Variants in VAV3 observed in about 807,000 individuals in gnomAD.
VAV3 encodes guanine nucleotide exchange factor VAV3.
A neutral mutation model predicts 131.2 loss-of-function variants in VAV3; 94 were observed. That is an observed-to-expected ratio of 0.72 (90% CI 0.61 to 0.85). The LOEUF (loss-of-function observed/expected upper bound fraction) is 0.85, where lower values mean the gene tolerates loss of function less well. VAV3 is among the 40% of genes least tolerant of loss of function. The probability of loss-of-function intolerance (pLI) is 0.00; values close to 1 mark genes in which losing one functional copy is unlikely to be tolerated. For missense variants in VAV3, 939 were observed against 1,002.7 expected (o/e 0.94, Z 0.86); for synonymous variants, 349 against 342.0 (o/e 1.02, Z -0.22).
chr1:107,944,002 A>G (rs1022260181), intron 1 of VAV3, among the ~76,000 whole-genome samples: 8 of 152,218 alleles, frequency 5.3e-5, no homozygotes, highest in African/African-American at 1.9e-4. Flanking sequence ...AACACCCATC[A>G]CAAACAGCTG....
intron 7 of VAV3, among the ~76,000 whole-genome samples, chr1:107,767,999 G>T (rs1272261910): frequency 2.0e-5 from 3 of 152,218 alleles, no homozygotes; most frequent in Non-Finnish European, 2.9e-5. Context: ...ACTGGAAGTA[G>T]AAAGCACCAA....
intron 25 of VAV3, among the ~76,000 whole-genome samples, chr1:107,586,532 G>C (rs1238560277): frequency 6.6e-6 from 1 of 152,106 alleles, no homozygotes; most frequent in African/African-American, 2.4e-5. Context: ...TTTGAATAAA[G>C]AAAAATCTGA....
At chr1:107,903,504 C>T (rs2101095315) in intron 1 of VAV3, among the ~76,000 whole-genome samples, 1 of 152,184 alleles carries the variant, frequency 6.6e-6, no homozygotes, top group East Asian at 1.9e-4. Context: ...TCATAAGCTG[C>T]AAGATGCCAG....
At chr1:107,891,130 T>C (rs1671290306) in intron 1 of VAV3, among the ~76,000 whole-genome samples, 1 of 145,490 alleles carries the variant, frequency 6.9e-6, no homozygotes, top group East Asian at 2.0e-4. Flanking sequence ...ACCACAATTA[T>C]TGCTAGTGTC....
At chr1:107,668,844 T>C (rs1434917899) in intron 19 of VAV3, 1 of 985,608 alleles carries the variant, frequency 1.0e-6, no homozygotes, top group African/African-American at 1.7e-5. Flanking sequence ...ACATGTTAAA[T>C]GGAATTTCAC....
At chr1:107,897,383 T>C (rs972162411) in intron 1 of VAV3, 3 of 150,118 alleles carry the variant, frequency 2.0e-5, no homozygotes, top group African/African-American at 7.4e-5. Flanking sequence ...ATTGAAAAAG[T>C]AGAGGGAGAA....
rs143867729 is a variant in VAV3, at chr1:107,648,414, T to C, written c.1778-5659A>G. Among the ~76,000 whole-genome samples the C allele has an allele frequency of 1.6e-3, 242 of 152,182 alleles. 1 individual carries two copies. The East Asian group carries it at 0.021, about 13-fold the overall frequency. Reference sequence around the variant, plus strand: ...TATAAAATAACTATAAAATTTCATGTGTTACTTGAAAATCCATGCAAATTT... The same window carrying C: ...TATAAAATAACTATAAAATTTCATGCGTTACTTGAAAATCCATGCAAATTT... On this transcript the variant is annotated intron_variant, in intron 19 of 26. Coordinates refer to ENST00000370056, the MANE Select transcript of VAV3 (RefSeq NM_006113.5).
chr1:107,789,453 C>T (rs1666180881), intron 2 of VAV3, among the ~76,000 whole-genome samples: 1 of 152,204 alleles, frequency 6.6e-6, no homozygotes, highest in Non-Finnish European at 1.5e-5. Flanking sequence ...AATCATGAAG[C>T]ATCTGTAAAC....
intron 1 of VAV3, among the ~76,000 whole-genome samples, chr1:107,945,800 C>T (rs9435456): frequency 0.95 from 135,169 of 142,132 alleles, 64,639 homozygotes; most frequent in East Asian, 1. Flanking sequence ...CCAGCTTGAG[C>T]GACAAGAGCA....
At chr1:107,917,746 T>A (rs1672690519) in intron 1 of VAV3, among the ~76,000 whole-genome samples, 1 of 152,180 alleles carries the variant, frequency 6.6e-6, no homozygotes, top group South Asian at 2.1e-4. Context: ...GCCAGAAATG[T>A]TTCAAATTTT....
At chr1:107,897,735 T>C (rs1282444240) in intron 1 of VAV3, among the ~76,000 whole-genome samples, 1 of 152,152 alleles carries the variant, frequency 6.6e-6, no homozygotes, top group Non-Finnish European at 1.5e-5. Context: ...ACTTCCTGAA[T>C]GGCAGCCTGG....
intron 17 of VAV3, among the ~76,000 whole-genome samples, chr1:107,690,380 G>A (rs1659342665): frequency 1.3e-5 from 2 of 152,114 alleles, no homozygotes; most frequent in African/African-American, 4.8e-5. Context: ...TTCATCAGAG[G>A]AGCAGATCCA....
intron 1 of VAV3, among the ~76,000 whole-genome samples, chr1:107,890,844 T>C (rs188093732): frequency 1.4e-3 from 208 of 152,364 alleles, no homozygotes; most frequent in Non-Finnish European, 2.6e-3. Flanking sequence ...ACTTCCTGAA[T>C]AGACTGTGCT....
chr1:107,580,142 T>C (rs992800395), intron 25 of VAV3, among the ~76,000 whole-genome samples: 11 of 152,234 alleles, frequency 7.2e-5, no homozygotes, highest in African/African-American at 2.7e-4. Context: ...GGGCCAGTTC[T>C]AATATTGCTT....
rs1262142372 is a variant in VAV3 at position 107,602,464 on chromosome 1, T to C, written c.2153A>G (p.His718Arg). 6.4e-7 allele frequency: 1 copy of C among 1,574,142 alleles called. No individual in the cohort carries two copies. The highest frequency in any genetic ancestry group is 1.4e-5 in the African/African-American group (1 of 71,794). The change falls in exon 24 of 27, where the codon CAC (histidine) becomes CGC (arginine). Residue 718 changes from histidine to arginine, a missense_variant. By Grantham distance (29) the His-to-Arg change is conservative (BLOSUM62 0). Coordinates refer to ENST00000370056, the MANE Select transcript of VAV3 (RefSeq NM_006113.5). ...GCCATCTCTTGTTAAAATCTTGATG[T>C]GCTTTGCTTCATTATTGTACCTGTG... Reference protein sequence around the residue: ...ISIKYNNEAKHIKILTRDGFF... With the variant: ...ISIKYNNEAKRIKILTRDGFF...
intron 4 of VAV3, among the ~76,000 whole-genome samples, chr1:107,774,745 A>G (rs1166095436): frequency 6.6e-6 from 1 of 152,168 alleles, no homozygotes; most frequent in African/African-American, 2.4e-5. Flanking sequence ...TTGCCTCCAC[A>G]GTGGGGACCA....
At chr1:107,854,308 TA>T (rs1168403869) in intron 2 of VAV3, among the ~76,000 whole-genome samples, 1 of 151,962 alleles carries the variant, frequency 6.6e-6, no homozygotes, top group African/African-American at 2.4e-5. Flanking sequence ...AGACTCTGCC[TA>T]AAAAAATAAA....
intron 6 of VAV3, among the ~76,000 whole-genome samples, chr1:107,769,178 C>G (rs1664901190): frequency 6.6e-6 from 1 of 152,158 alleles, no homozygotes; most frequent in South Asian, 2.1e-4. Context: ...CCATCATATC[C>G]TCATTTCCCT....
At chr1:107,734,071 ACAGAATTTTCAACC>A (rs1662435947) in intron 15 of VAV3, among the ~76,000 whole-genome samples, 2 of 152,338 alleles carry the variant, frequency 1.3e-5, no homozygotes, top group Admixed American at 1.3e-4. Flanking sequence ...TTTTTAAAGA[ACAGAATTTTCAACC>A]CAGAATTTCA....
Sources: gnomAD v4.1 joint callset for allele counts (sites outside exome capture counted in the v4.1 genomes callset) on GRCh38, gnomAD v4.1.1 for gene constraint, MANE v1.5 for transcripts, NCBI Gene and HGNC (gene_info 2026-07-23, HGNC 2026-07-21) for gene names.